CNTN3: variants seen among roughly 807,000 people sequenced by gnomAD.
CNTN3 encodes the protein contactin 3, also known as contactin-3.
A neutral mutation model predicts 119.1 loss-of-function variants in CNTN3; 60 were observed. The observed-to-expected ratio is 0.50, with a 90% CI of 0.41 to 0.62. The LOEUF (loss-of-function observed/expected upper bound fraction) is 0.62. CNTN3 is among the 20% of genes least tolerant of loss of function. The probability of loss-of-function intolerance (pLI) is 0.00; values close to 1 mark genes in which losing one functional copy is unlikely to be tolerated. For synonymous variants in CNTN3, 450 were observed against 438.7 expected (o/e 1.03, Z -0.32); for missense variants, 1,101 against 1,242.4 (o/e 0.89, Z 1.71).
chr3:74,467,401 A>G (rs1355611474), intron 4 of CNTN3, among the ~76,000 whole-genome samples: 2 of 152,158 alleles, frequency 1.3e-5, no homozygotes, highest in Non-Finnish European at 2.9e-5. Flanking sequence ...AGAGATCATT[A>G]CTCTGAAAAT....
At chr3:74,607,519 T>C (rs60499424) in intron 1 of CNTN3, among the ~76,000 whole-genome samples, 7,103 of 152,292 alleles carry the variant, frequency 0.047, 236 homozygotes, top group South Asian at 0.12. Context: ...TGCCCAAGCC[T>C]GACCACACTG....
intron 4 of CNTN3, among the ~76,000 whole-genome samples, chr3:74,450,263 A>T (rs755803957): frequency 2.0e-5 from 3 of 152,080 alleles, no homozygotes; most frequent in Non-Finnish European, 4.4e-5. Flanking sequence ...TTAATCTTGC[A>T]GTTATAAAAC....
chr3:74,300,512 T>C (rs78391824), intron 16 of CNTN3, among the ~76,000 whole-genome samples: 1,653 of 152,260 alleles, frequency 0.011, 13 homozygotes, highest in Middle Eastern at 0.02. Flanking sequence ...TTGCAATGTC[T>C]AGAAAGTGCT....
At chr3:74,488,446 C>T (rs1702900675) in intron 3 of CNTN3, among the ~76,000 whole-genome samples, 1 of 152,108 alleles carries the variant, frequency 6.6e-6, no homozygotes, top group South Asian at 2.1e-4. Context: ...TTAAAGCTCT[C>T]ATGGAGAGAG....
chr3:74,309,576 G>C (rs1702637211), intron 13 of CNTN3, among the ~76,000 whole-genome samples: 1 of 152,036 alleles, frequency 6.6e-6, no homozygotes, highest in African/African-American at 2.4e-5. Flanking sequence ...GAAACACCTA[G>C]GTCACATCCA....
At chr3:74,392,611 C>T (rs555009448) in intron 5 of CNTN3, among the ~76,000 whole-genome samples, 26 of 152,220 alleles carry the variant, frequency 1.7e-4, no homozygotes, top group African/African-American at 5.3e-4. Flanking sequence ...GTAGCATACA[C>T]GTTAGAGGAG....
chr3:74,527,385 T>C (rs1180372112), intron 1 of CNTN3, among the ~76,000 whole-genome samples: 1 of 151,898 alleles, frequency 6.6e-6, no homozygotes. Flanking sequence ...ATCAGAGTTC[T>C]TGTTGTATGT....
intron 5 of CNTN3, among the ~76,000 whole-genome samples, chr3:74,398,165 A>T (rs1406009846): frequency 6.6e-6 from 1 of 152,230 alleles, no homozygotes; most frequent in African/African-American, 2.4e-5. Flanking sequence ...TTTTGAAACA[A>T]GTTTTCCTCT....
chr3:74,492,898 C>T (rs529604131), intron 3 of CNTN3, among the ~76,000 whole-genome samples: 27 of 152,068 alleles, frequency 1.8e-4, no homozygotes, highest in Non-Finnish European at 3.8e-4. Context: ...ATGACTATTT[C>T]AATCACTGTT....
chr3:74,288,429 G>C (rs1296594153), intron 19 of CNTN3, among the ~76,000 whole-genome samples: 1 of 151,982 alleles, frequency 6.6e-6, no homozygotes, highest in Admixed American at 6.6e-5. Flanking sequence ...AAAGTGCTGG[G>C]ATTACAGGTG....
At chr3:74,457,478 C>A (rs1702291897) in intron 4 of CNTN3, among the ~76,000 whole-genome samples, 1 of 151,870 alleles carries the variant, frequency 6.6e-6, no homozygotes, top group African/African-American at 2.4e-5. Context: ...ATAATAATAT[C>A]ATTGACCTCA....
chr3:74,357,215 C>T lies in CNTN3; in HGVS notation c.1364+4675G>A, dbSNP rs112256001. Among the ~76,000 whole-genome samples the T allele has an allele frequency of 6.2e-3, 943 of 151,136 alleles. 16 individuals carry two copies. The highest frequency in any genetic ancestry group is 0.022 in the African/African-American group (896 of 41,104). ...TGCTGGGATTACAGGTGTGAGCCACCGTGCCTGGCCGATTATTCAAATCTA... is the reference window on the plus strand; with the variant it reads ...TGCTGGGATTACAGGTGTGAGCCACTGTGCCTGGCCGATTATTCAAATCTA... On this transcript the variant is annotated intron_variant, in intron 11 of 22. Coordinates refer to ENST00000263665, the MANE Select transcript of CNTN3 (RefSeq NM_020872.3).
chr3:74,585,143 T>C (rs1260535585), intron 1 of CNTN3, among the ~76,000 whole-genome samples: 3 of 152,182 alleles, frequency 2.0e-5, no homozygotes, highest in African/African-American at 7.2e-5. Context: ...AATAAAATAC[T>C]GTAGCTGACA....
chr3:74,345,952 G>A (rs964994662), intron 11 of CNTN3, among the ~76,000 whole-genome samples: 1 of 152,146 alleles, frequency 6.6e-6, no homozygotes, highest in Non-Finnish European at 1.5e-5. Context: ...ATTCCATGGT[G>A]AGGATTTATG....
At chr3:74,544,900 T>C (rs1475485157) in intron 1 of CNTN3, among the ~76,000 whole-genome samples, 4 of 152,082 alleles carry the variant, frequency 2.6e-5, no homozygotes, top group Non-Finnish European at 4.4e-5. Context: ...GCCCGGCCGA[T>C]GAATCTCTTG....
intron 13 of CNTN3, among the ~76,000 whole-genome samples, chr3:74,328,200 G>A (rs1240009047): frequency 1.3e-5 from 2 of 151,780 alleles, no homozygotes; most frequent in Non-Finnish European, 2.9e-5. Flanking sequence ...TTGATCTACT[G>A]ATAGTTGAAA....
At chr3:74,594,299 T>A (rs1428440647) in intron 1 of CNTN3, among the ~76,000 whole-genome samples, 1 of 150,930 alleles carries the variant, frequency 6.6e-6, no homozygotes, top group East Asian at 2.0e-4. Flanking sequence ...TTACTTTTTT[T>A]TTAATTATTA....
chr3:74,584,698 A>G (rs1365973515), intron 1 of CNTN3, among the ~76,000 whole-genome samples: 1 of 152,174 alleles, frequency 6.6e-6, no homozygotes, highest in Admixed American at 6.6e-5. Flanking sequence ...TGTTTCACAT[A>G]AGGTCTGCAA....
chr3:74,559,629 G>C (rs989431437), intron 1 of CNTN3, among the ~76,000 whole-genome samples: 1 of 148,436 alleles, frequency 6.7e-6, no homozygotes, highest in African/African-American at 2.5e-5. Context: ...AAAAAAAAAA[G>C]CAGTACTGAG....
Sources: gnomAD v4.1 joint callset for allele counts (sites outside exome capture counted in the v4.1 genomes callset) on GRCh38, gnomAD v4.1.1 for gene constraint, MANE v1.5 for transcripts, NCBI Gene and HGNC (gene_info 2026-07-23, HGNC 2026-07-21) for gene names.